XXYLT1: variants seen among roughly 807,000 people sequenced by gnomAD.
XXYLT1 encodes the protein xyloside xylosyltransferase 1, also known as UDP-xylose:alpha-xyloside alpha-1,3-xylosyltransferase.
XXYLT1 carries 20 observed loss-of-function variants against 28.9 expected under a neutral mutation model. That is an observed-to-expected ratio of 0.69 (90% CI 0.49 to 1.00). The LOEUF (loss-of-function observed/expected upper bound fraction) is 1.00, where lower values mean the gene tolerates loss of function less well. XXYLT1 is among the 50% of genes least tolerant of loss of function. The pLI, the probability that XXYLT1 is intolerant of heterozygous loss-of-function variation, is 0.00. For synonymous variants in XXYLT1, 257 were observed against 253.8 expected, an observed-to-expected ratio of 1.01 and a Z score of -0.12; for missense variants, 542 against 560.1, an observed-to-expected ratio of 0.97 and a Z score of 0.33.
At chr3:195,123,436 G>A (rs1353596200) in intron 3 of XXYLT1, among the ~76,000 whole-genome samples, 1 of 152,188 alleles carries the variant, frequency 6.6e-6, no homozygotes, top group Non-Finnish European at 1.5e-5. Flanking sequence ...TGGGGATTCT[G>A]GGAGAACACG....
rs1718015899 is a variant in XXYLT1 at position 195,115,823 on chromosome 3, G to A, written c.785+40626C>T. On this transcript the variant is annotated intron_variant, in intron 3 of 3. Transcript: ENST00000310380. This position sits in a 1 kb window ranked among gnomAD's most constrained non-coding sequence, Gnocchi z 4.2. ...CTAACAGTGCTTTGTCAGAGGGCGA[G>A]AGGGTCTGATGGGGGCAGCTCTGTA... Among the ~76,000 whole-genome samples the A allele has an allele frequency of 6.6e-6, 1 of 152,134 alleles. No individual in the cohort carries two copies. The highest frequency in any genetic ancestry group is 2.4e-5 in the African/African-American group (1 of 41,390).
rs1453848003 is a variant in XXYLT1 at position 195,164,906 on chromosome 3, T to C, written c.653-8325A>G. Among the ~76,000 whole-genome samples the C allele has an allele frequency of 4.6e-5, 7 of 152,134 alleles. No individual in the cohort carries two copies. In the East Asian group the frequency reaches 1.2e-3, roughly 25 times the overall value. On this transcript the variant is annotated intron_variant, in intron 2 of 3. Transcript: ENST00000310380. ...ACCTTTGCAATGATGGAGTCCGTTA[T>C]GGGAAGTGACTAAGCGGGTTTCTTG...
intron 3 of XXYLT1, among the ~76,000 whole-genome samples, chr3:195,136,516 C>G (rs1719209346): frequency 6.6e-6 from 1 of 152,124 alleles, no homozygotes; most frequent in Admixed American, 6.6e-5. Context: ...GGGTTCTAGT[C>G]CTGACCAAGC....
intron 1 of XXYLT1, among the ~76,000 whole-genome samples, chr3:195,264,222 A>T (rs1359938200): frequency 6.6e-6 from 1 of 152,244 alleles, no homozygotes; most frequent in African/African-American, 2.4e-5. Context: ...GATGGCATCT[A>T]TGGGGTTCCC....
At chr3:195,088,423 C>CACTGACACCT (rs778588117) in intron 3 of XXYLT1, among the ~76,000 whole-genome samples, 1 of 144,680 alleles carries the variant, frequency 6.9e-6, no homozygotes, top group Non-Finnish European at 1.5e-5. Flanking sequence ...CAGCGGGGCA[C>CACTGACACCT]CTCACAGGGC....
chr3:195,228,494 T>TC (rs1724155836), intron 1 of XXYLT1, among the ~76,000 whole-genome samples: 1 of 145,980 alleles, frequency 6.9e-6, no homozygotes, highest in Non-Finnish European at 1.5e-5. Flanking sequence ...CACTTTTTTT[T>TC]TTTTTTTTTT....
intron 2 of XXYLT1, among the ~76,000 whole-genome samples, chr3:195,160,816 C>A (rs1720833383): frequency 6.6e-6 from 1 of 152,208 alleles, no homozygotes; most frequent in Non-Finnish European, 1.5e-5. Context: ...GACGCACAGA[C>A]CCAGGGCGTG....
chr3:195,082,461 TC>T (rs34289017), intron 3 of XXYLT1, among the ~76,000 whole-genome samples: 1 of 152,132 alleles, frequency 6.6e-6, no homozygotes, highest in Non-Finnish European at 1.5e-5. Context: ...CCAGAAAAGT[TC>T]CCTGTGTCCC....
In XXYLT1 at chr3:195,133,477, T is replaced by C. The variant is rs547175795; in HGVS notation, c.785+22972A>G. Among the ~76,000 whole-genome samples the C allele has an allele frequency of 9.2e-5, 14 of 152,292 alleles. No homozygotes were observed. The highest frequency in any genetic ancestry group is 2.9e-4 in the African/African-American group (12 of 41,558). On this transcript the variant is annotated intron_variant, in intron 3 of 3. Coordinates refer to ENST00000310380, the MANE Select transcript of XXYLT1 (RefSeq NM_152531.5). This position sits in a 1 kb window ranked among gnomAD's most constrained non-coding sequence, Gnocchi z 4.4. Reference sequence around the variant, plus strand: ...TGATCAAAGACCTTCAGGAGAAATGTGTCCCATAAGTGACAGCATCTATTG... The same window carrying C: ...TGATCAAAGACCTTCAGGAGAAATGCGTCCCATAAGTGACAGCATCTATTG...
chr3:195,251,606 C>T (rs1313195762), intron 1 of XXYLT1, among the ~76,000 whole-genome samples: 1 of 152,166 alleles, frequency 6.6e-6, no homozygotes. Context: ...GGAAGGTTGG[C>T]CCCAGTGTCT....
intron 1 of XXYLT1, among the ~76,000 whole-genome samples, chr3:195,254,150 C>G (rs1396097286): frequency 6.6e-6 from 1 of 152,198 alleles, no homozygotes; most frequent in East Asian, 1.9e-4. Context: ...AGACTCTGGC[C>G]ACAGACGTCA....
chr3:195,110,326 G>GT (rs879909188), intron 3 of XXYLT1, among the ~76,000 whole-genome samples: 13,681 of 17,652 alleles, frequency 0.78, 5,088 homozygotes, highest in East Asian at 0.9. Context: ...GGGTGAGGGT[G>GT]AGGTGTGTGT....
At chr3:195,236,711 A>C (rs2108816697) in intron 1 of XXYLT1, among the ~76,000 whole-genome samples, 1 of 152,126 alleles carries the variant, frequency 6.6e-6, no homozygotes, top group Middle Eastern at 3.4e-3. Flanking sequence ...ATCCCATCTG[A>C]AGCCAGCAGG....
At position 195,210,224 on chromosome 3, in the gene XXYLT1, G is replaced by A. The variant is rs141992995; in HGVS notation, c.652+16485C>T. Among the ~76,000 whole-genome samples, 600 of 152,260 alleles carry A rather than the reference G, an allele frequency of 3.9e-3. 5 individuals are homozygous for A. The highest frequency in any genetic ancestry group is 0.014 in the African/African-American group (584 of 41,544). On this transcript the variant is annotated intron_variant, in intron 2 of 3. Transcript: ENST00000310380. The surrounding 1 kb of genome is among the most constrained non-coding windows in gnomAD (Gnocchi z 4.8). ...ACTGACAGCACCTGGTGCATTCTCC[G>A]TGCAAACAACCCCCACACCCCGCTG...
chr3:195,097,806 C>G (rs998842770), intron 3 of XXYLT1, among the ~76,000 whole-genome samples: 1 of 152,156 alleles, frequency 6.6e-6, no homozygotes, highest in Non-Finnish European at 1.5e-5. Context: ...GACCCTCACA[C>G]AAATGCCCCC....
rs920022164 is a variant in XXYLT1, at chr3:195,255,769, C to T, written c.504+14786G>A. On this transcript the variant is annotated intron_variant, in intron 1 of 3. Transcript: ENST00000310380. This position sits in a 1 kb window ranked among gnomAD's most constrained non-coding sequence, Gnocchi z 4.5. ...GTGTGGCCCTGAGCAAGTTGCTTGG[C>T]CTCTCTGGGCCCCCGTTTTCTCATG... 2.6e-5 allele frequency among the ~76,000 whole-genome samples: 4 copies of T among 152,188 alleles called. No individual in the cohort carries two copies. The highest frequency in any genetic ancestry group is 9.6e-5 in the African/African-American group (4 of 41,454).
intron 3 of XXYLT1, among the ~76,000 whole-genome samples, chr3:195,123,303 C>G (rs1718458680): frequency 6.6e-6 from 1 of 152,136 alleles, no homozygotes; most frequent in African/African-American, 2.4e-5. Flanking sequence ...GCTGCCTAAA[C>G]CCCGCCATCA....
At chr3:195,161,381 C>A (rs964188183) in intron 2 of XXYLT1, among the ~76,000 whole-genome samples, 3 of 152,158 alleles carry the variant, frequency 2.0e-5, no homozygotes, top group Admixed American at 6.5e-5. Context: ...CTCTTATGAG[C>A]CAGAAATGCT....
At chr3:195,205,261 C>T (rs1723022406) in intron 2 of XXYLT1, among the ~76,000 whole-genome samples, 1 of 152,224 alleles carries the variant, frequency 6.6e-6, no homozygotes, top group Non-Finnish European at 1.5e-5. Flanking sequence ...AAACTGGGGA[C>T]AACCAAGCTG....
Sources: allele counts gnomAD v4.1 joint callset (sites outside exome capture counted in the v4.1 genomes callset), GRCh38; gene constraint gnomAD v4.1.1; non-coding constraint Gnocchi (gnomAD v3.1); transcripts MANE v1.5; gene names NCBI Gene and HGNC (gene_info 2026-07-23, HGNC 2026-07-21).